Variants in MACROD2 observed in about 807,000 individuals in gnomAD.
The protein encoded by MACROD2 is ADP-ribose glycohydrolase MACROD2.
In MACROD2, 36 loss-of-function variants were observed where a neutral mutation model predicts 70.4. The observed-to-expected ratio is 0.51, with a 90% confidence interval of 0.39 to 0.68. MACROD2 has a LOEUF of 0.68. Ranked by LOEUF, MACROD2 falls within the 30% of genes least tolerant of loss-of-function variation. The pLI, the probability that MACROD2 is intolerant of heterozygous loss-of-function variation, is 0.00. For missense variants in MACROD2, 496 were observed against 538.4 expected (o/e 0.92, Z 0.78); for synonymous variants, 172 against 178.8 (o/e 0.96, Z 0.30).
At chr20:15,261,112 A>G (rs1404362513) in intron 6 of MACROD2, among the ~76,000 whole-genome samples, 3 of 151,952 alleles carry the variant, frequency 2.0e-5, no homozygotes, top group Non-Finnish European at 4.4e-5. Flanking sequence ...AGCTCTAAAT[A>G]TAAAATAAAT....
intron 5 of MACROD2, among the ~76,000 whole-genome samples, chr20:14,842,717 C>T (rs1200852730): frequency 6.6e-6 from 1 of 152,036 alleles, no homozygotes; most frequent in African/African-American, 2.4e-5. Context: ...TGATCTTTTT[C>T]TATCTCTACA....
At position 14,575,037 on chromosome 20, in the gene MACROD2, AAAAAAT is replaced by A. The variant is rs1265333239; in HGVS notation, c.301+81531_301+81536del. Among the ~76,000 whole-genome samples, 27 of 23,024 alleles carry A rather than the reference AAAAAAT, an allele frequency of 1.2e-3. 1 individual carries two copies. The highest frequency in any genetic ancestry group is 3.7e-3 in the South Asian group (1 of 270). The allele number at this position is 23,024 out of a possible 152,430, so 15.1% of individuals were successfully genotyped here. A position where few individuals can be genotyped will look rare whatever the true frequency, so the allele number is the denominator to read the frequency against. On this transcript the variant is annotated intron_variant, in intron 4 of 17. Coordinates refer to ENST00000684519, the MANE Select transcript of MACROD2 (RefSeq NM_001351661.2). ...TGTCTCAAAAAAAAAAAAAAAAAAA[AAAAAAT>A]ATTCACAAAGTTTTTGGTCTCTGCA...
chr20:14,771,325 T>G (rs2072162309), intron 5 of MACROD2, among the ~76,000 whole-genome samples: 1 of 152,026 alleles, frequency 6.6e-6, no homozygotes, highest in Non-Finnish European at 1.5e-5. Context: ...GCTTTGCTTC[T>G]ATGGAGAACC....
intron 3 of MACROD2, among the ~76,000 whole-genome samples, chr20:14,222,698 T>G (rs1381818757): frequency 6.6e-6 from 1 of 151,914 alleles, no homozygotes; most frequent in Non-Finnish European, 1.5e-5. Context: ...AAAAGGTGGA[T>G]ATTATTGTTA....
At chr20:15,814,910 C>T (rs774166112) in intron 8 of MACROD2, among the ~76,000 whole-genome samples, 40 of 152,214 alleles carry the variant, frequency 2.6e-4, no homozygotes, top group Non-Finnish European at 5.3e-4. Context: ...GATGATTATG[C>T]CTTTGGCAGT....
In MACROD2 at chr20:14,231,107, C is replaced by T. The variant is rs573732142; in HGVS notation, c.271+145379C>T. Among the ~76,000 whole-genome samples the T allele has an allele frequency of 2.0e-5, 3 of 151,540 alleles. No individual in the cohort carries two copies. In the East Asian group the frequency reaches 5.9e-4, roughly 30 times the overall value. ...TGTTGTTCCATTTATAGAGCACAGG[C>T]AGAGTGCATTTAGCATCATTCTTTT... On this transcript the variant is annotated intron_variant, in intron 3 of 17. Transcript: ENST00000684519.
At chr20:14,141,724 A>G (rs1208726510) in intron 3 of MACROD2, among the ~76,000 whole-genome samples, 1 of 114,292 alleles carries the variant, frequency 8.7e-6, no homozygotes, top group African/African-American at 3.4e-5. Flanking sequence ...CAGCCTGGGC[A>G]ACAATAGCAA....
chr20:14,086,928 C>T (rs2054083337), intron 3 of MACROD2, among the ~76,000 whole-genome samples: 1 of 152,124 alleles, frequency 6.6e-6, no homozygotes, highest in Admixed American at 6.5e-5. Flanking sequence ...TCAGTGTTAT[C>T]TCCAGGTTTC....
intron 3 of MACROD2, among the ~76,000 whole-genome samples, chr20:14,355,538 A>G (rs999409201): frequency 1.3e-5 from 2 of 151,858 alleles, no homozygotes; most frequent in Admixed American, 6.6e-5. Context: ...AGTTTTATCT[A>G]TGGAGAGAAT....
At chr20:14,754,859 T>A (rs1023859385) in intron 5 of MACROD2, among the ~76,000 whole-genome samples, 4 of 150,836 alleles carry the variant, frequency 2.7e-5, no homozygotes, top group Non-Finnish European at 5.9e-5. Flanking sequence ...AGGATCACAG[T>A]TTTTGTTAAG....
Position 15,611,537 on chromosome 20 carries a change from G to A in MACROD2, c.645+111690G>A, listed in dbSNP as rs574264815. ...GTCTATTCTTCTACTTCCAGTTGGT[G>A]TGCATGAAGGACCCTATAGTTATTT... On this transcript the variant is annotated intron_variant, in intron 8 of 17. Transcript: ENST00000684519. Among the ~76,000 whole-genome samples the A allele has an allele frequency of 5.3e-5, 8 of 152,150 alleles. No homozygotes were observed. The South Asian group carries it at 1.0e-3, about 20-fold the overall frequency.
At chr20:15,356,421 T>G (rs1352375011) in intron 6 of MACROD2, among the ~76,000 whole-genome samples, 1 of 152,204 alleles carries the variant, frequency 6.6e-6, no homozygotes, top group African/African-American at 2.4e-5. Context: ...GTATAAAAGT[T>G]GAATATATCA....
intron 6 of MACROD2, among the ~76,000 whole-genome samples, chr20:15,396,226 T>C (rs1051420320): frequency 6.6e-6 from 1 of 152,206 alleles, no homozygotes; most frequent in African/African-American, 2.4e-5. Flanking sequence ...TGAAGATAAC[T>C]CACATGTATT....
intron 4 of MACROD2, among the ~76,000 whole-genome samples, chr20:14,615,667 T>C (rs1307546061): frequency 6.6e-6 from 1 of 152,112 alleles, no homozygotes; most frequent in Non-Finnish European, 1.5e-5. Context: ...TGGTTGACTT[T>C]CAGGAGCAGG....
chr20:15,889,765 A>G (rs2064865666), intron 10 of MACROD2, among the ~76,000 whole-genome samples: 1 of 152,132 alleles, frequency 6.6e-6, no homozygotes, highest in African/African-American at 2.4e-5. Context: ...TCAACCACCT[A>G]TGGAAACTCA....
chr20:14,653,464 C>T (rs1307986791), intron 4 of MACROD2, among the ~76,000 whole-genome samples: 5 of 151,458 alleles, frequency 3.3e-5, no homozygotes, highest in African/African-American at 7.3e-5. Flanking sequence ...GTGATCTTCC[C>T]GCCTCGGCCT....
At chr20:14,228,889 C>T (rs997422024) in intron 3 of MACROD2, among the ~76,000 whole-genome samples, 1 of 151,572 alleles carries the variant, frequency 6.6e-6, no homozygotes, top group Non-Finnish European at 1.5e-5. Flanking sequence ...CGCCCATAAT[C>T]CCAGCTACTC....
chr20:15,061,112 C>G (rs1167151648), intron 5 of MACROD2, among the ~76,000 whole-genome samples: 1 of 152,114 alleles, frequency 6.6e-6, no homozygotes, highest in African/African-American at 2.4e-5. Flanking sequence ...GGCCCTAATG[C>G]TTGTGATAGT....
At chr20:14,084,864 T>C (rs2054057142) in intron 2 of MACROD2, among the ~76,000 whole-genome samples, 1 of 151,986 alleles carries the variant, frequency 6.6e-6, no homozygotes, top group Admixed American at 6.6e-5. Context: ...GGCTCATACC[T>C]GTAATCCCAG....
Sources: allele counts gnomAD v4.1 joint callset (sites outside exome capture counted in the v4.1 genomes callset), GRCh38; gene constraint gnomAD v4.1.1; transcripts MANE v1.5; gene names NCBI Gene and HGNC (gene_info 2026-07-23, HGNC 2026-07-21).